The following SCAPER variants were observed in gnomAD, a reference collection of about 807,000 sequenced individuals.
The protein encoded by SCAPER is S phase cyclin A-associated protein in the endoplasmic reticulum.
Under a neutral mutation model 182.2 loss-of-function variants are expected in SCAPER, and 98 were observed. That is an observed-to-expected ratio of 0.54 (90% CI 0.46 to 0.64). The LOEUF is 0.64. SCAPER is among the 30% of genes least tolerant of loss of function. SCAPER has a pLI of 0.00. For synonymous variants in SCAPER, 605 were observed against 564.6 expected (o/e 1.07, Z -1.01); for missense variants, 1,432 against 1,690.0 (o/e 0.85, Z 2.68).
At chr15:76,719,589 T>G (rs994518214) in intron 17 of SCAPER, among the ~76,000 whole-genome samples, 1 of 152,180 alleles carries the variant, frequency 6.6e-6, no homozygotes, top group African/African-American at 2.4e-5. Context: ...TGTGAGAAGA[T>G]AGATATGTTA....
intron 5 of SCAPER, among the ~76,000 whole-genome samples, chr15:76,839,508 A>T (rs771704957): frequency 2.0e-5 from 3 of 152,238 alleles, no homozygotes; most frequent in Non-Finnish European, 4.4e-5. Context: ...GTTAAATTTT[A>T]TCTTCTTACA....
At chr15:76,765,214 A>G (rs765019896) in intron 13 of SCAPER, 123 bp downstream of exon 13, 77 of 1,018,764 alleles carry the variant, frequency 7.6e-5, no homozygotes, top group East Asian at 1.0e-4. Context: ...TTACTTTTCA[A>G]TGGATCTGAA....
chr15:76,564,216 A>G (rs2046860179), intron 23 of SCAPER, among the ~76,000 whole-genome samples: 1 of 152,178 alleles, frequency 6.6e-6, no homozygotes, highest in Non-Finnish European at 1.5e-5. Flanking sequence ...GAAACGGAGG[A>G]AGTCAAACTA....
At chr15:76,517,536 G>A (rs2042527070) in intron 23 of SCAPER, among the ~76,000 whole-genome samples, 1 of 151,762 alleles carries the variant, frequency 6.6e-6, no homozygotes, top group East Asian at 1.9e-4. Flanking sequence ...ATTTTTAGTA[G>A]AGATGGGGTT....
intron 24 of SCAPER, among the ~76,000 whole-genome samples, chr15:76,487,185 T>C (rs2143130075): frequency 6.6e-6 from 1 of 151,442 alleles, no homozygotes; most frequent in African/African-American, 2.4e-5. Context: ...CCTATTGGAG[T>C]GTGGAGGTTG....
intron 1 of SCAPER, among the ~76,000 whole-genome samples, chr15:76,892,813 A>C (rs1275854247): frequency 6.6e-6 from 1 of 152,228 alleles, no homozygotes. Flanking sequence ...CAGCAATCCC[A>C]TTACAGGGTA....
chr15:76,725,417 T>TAA (rs34802988), intron 17 of SCAPER, among the ~76,000 whole-genome samples: 55,272 of 144,782 alleles, frequency 0.38, 12,141 homozygotes, highest in Middle Eastern at 0.51. Context: ...GTGTATACAT[T>TAA]AAAAAAAAAA....
chr15:76,786,154 A>T (rs2064583766), intron 8 of SCAPER, among the ~76,000 whole-genome samples: 1 of 151,860 alleles, frequency 6.6e-6, no homozygotes, highest in Non-Finnish European at 1.5e-5. Context: ...TGGTGAAACC[A>T]CGTGTCTACT....
At chr15:76,697,083 TAAATA>T (rs1460570002) in intron 20 of SCAPER, among the ~76,000 whole-genome samples, 2 of 152,122 alleles carry the variant, frequency 1.3e-5, no homozygotes, top group African/African-American at 4.8e-5. Context: ...AGAGGTAATA[TAAATA>T]AAATCTTACA....
chr15:76,811,208 A>G (rs1344331383), intron 5 of SCAPER, among the ~76,000 whole-genome samples: 1 of 152,102 alleles, frequency 6.6e-6, no homozygotes, highest in Non-Finnish European at 1.5e-5. Flanking sequence ...ATTTTTCTCA[A>G]GTGCACACAT....
At chr15:76,843,203 G>A (rs1246515763) in intron 4 of SCAPER, among the ~76,000 whole-genome samples, 2 of 152,032 alleles carry the variant, frequency 1.3e-5, no homozygotes, top group Non-Finnish European at 2.9e-5. Context: ...TTCTTATAAT[G>A]TACAACGGGC....
intron 24 of SCAPER, among the ~76,000 whole-genome samples, chr15:76,479,446 T>C (rs554660548): frequency 1.3e-5 from 2 of 152,220 alleles, no homozygotes; most frequent in African/African-American, 4.8e-5. Flanking sequence ...AAGTACCCTG[T>C]GGTTGGGGGT....
chr15:76,636,879 C>T (rs2053646772), intron 21 of SCAPER, among the ~76,000 whole-genome samples: 1 of 152,040 alleles, frequency 6.6e-6, no homozygotes, highest in Admixed American at 6.6e-5. Context: ...GGTTCCCTAC[C>T]ATACCATTTT....
chr15:76,476,085 C>T (rs2050604416), intron 24 of SCAPER, among the ~76,000 whole-genome samples: 1 of 152,174 alleles, frequency 6.6e-6, no homozygotes, highest in Admixed American at 6.5e-5. Flanking sequence ...GAGTCAAAGA[C>T]ATCTTCCTGT....
At chr15:76,653,200 G>T (rs1050398479) in intron 21 of SCAPER, among the ~76,000 whole-genome samples, 1 of 151,548 alleles carries the variant, frequency 6.6e-6, no homozygotes, top group Non-Finnish European at 1.5e-5. Context: ...CAAAACTGCC[G>T]AAAAAAAATT....
intron 7 of SCAPER, chr15:76,797,568 G>A (rs1568168009): frequency 6.6e-6 from 1 of 152,180 alleles, no homozygotes; most frequent in Non-Finnish European, 1.5e-5. Flanking sequence ...CTCTAAGAAA[G>A]GAGGAACTGA....
At chr15:76,893,018 G>A (rs1007544383) in intron 1 of SCAPER, among the ~76,000 whole-genome samples, 12 of 152,198 alleles carry the variant, frequency 7.9e-5, no homozygotes, top group Non-Finnish European at 1.5e-5. Context: ...CATGTCCTTT[G>A]CAGGTACATG....
At chr15:76,897,750 T>C (rs1445347518) in intron 1 of SCAPER, among the ~76,000 whole-genome samples, 1 of 152,174 alleles carries the variant, frequency 6.6e-6, no homozygotes, top group Non-Finnish European at 1.5e-5. Context: ...TCCCACCAGA[T>C]ACTGATTAAC....
At chr15:76,408,493 T>C (rs1453456189) in intron 26 of SCAPER, among the ~76,000 whole-genome samples, 2 of 152,144 alleles carry the variant, frequency 1.3e-5, no homozygotes, top group East Asian at 1.9e-4. Flanking sequence ...TTGCCAGATT[T>C]CAGACTATTT....
Sources: gnomAD v4.1 joint callset for allele counts (sites outside exome capture counted in the v4.1 genomes callset) on GRCh38, gnomAD v4.1.1 for gene constraint, MANE v1.5 for transcripts, NCBI Gene and HGNC (gene_info 2026-07-23, HGNC 2026-07-21) for gene names.